Variants in ALDH1A1 observed in about 807,000 individuals in gnomAD.
The protein encoded by ALDH1A1 is aldehyde dehydrogenase 1A1.
Under a neutral mutation model 62.1 loss-of-function variants are expected in ALDH1A1, and 19 were observed. The observed-to-expected ratio is 0.31, with a 90% CI of 0.21 to 0.45. The LOEUF is 0.45. Among genes scored for constraint, ALDH1A1 ranks in the 20% least tolerant of loss-of-function variants. ALDH1A1 has a pLI of 1.00. For missense variants in ALDH1A1, 521 were observed against 607.1 expected (o/e 0.86, Z 1.49); for synonymous variants, 231 against 215.9 (o/e 1.07, Z -0.61).
At chr9:72,903,239 C>A (rs1425654700) in intron 12 of ALDH1A1, among the ~76,000 whole-genome samples, 1 of 151,976 alleles carries the variant, frequency 6.6e-6, no homozygotes, top group African/African-American at 2.4e-5. Context: ...CTTAAAGGAC[C>A]TACGTTAACC....
rs1296897914 is a variant in ALDH1A1, at chr9:72,928,930, C to G, written c.404G>C (p.Gly135Ala). 2.5e-6 allele frequency: 4 copies of G among 1,613,852 alleles called. No homozygotes were observed. The highest frequency in any genetic ancestry group is 1.6e-4 in the Middle Eastern group (1 of 6,082). ...ACGGCCCTGGATCTTGTCAGCCCAA[C>G]CTGCACAGTAGCGCAATGTTTTGAT... ...GCIKTLRYCA[G>A]WADKIQGRTI... The change falls in exon 4 of 13, where the codon GGT becomes GCT. Residue 135 changes from glycine to alanine, a missense_variant. Physicochemically the swap from Gly to Ala is moderately conservative, Grantham distance 60. Transcript: ENST00000297785.
intron 10 of ALDH1A1, 92 bp from the exon 11 acceptor site, chr9:72,909,851 A>C: frequency 9.1e-7 from 1 of 1,099,962 alleles, no homozygotes; most frequent in East Asian, 2.7e-5. Flanking sequence ...ACGCTATCCT[A>C]AATTGATTAA....
chr9:72,924,761 C>G (rs1442613988), intron 6 of ALDH1A1, among the ~76,000 whole-genome samples: 2 of 152,162 alleles, frequency 1.3e-5, no homozygotes, highest in African/African-American at 4.8e-5. Flanking sequence ...TCTCTTTTCC[C>G]TGTTTTTAAT....
At chr9:72,923,671 C>T (rs761670002) in intron 7 of ALDH1A1, among the ~76,000 whole-genome samples, 6 of 152,084 alleles carry the variant, frequency 3.9e-5, no homozygotes, top group Non-Finnish European at 8.8e-5. Context: ...ATTTTCATAA[C>T]CTATAGGATA....
chr9:72,929,062 T>G, intron 3 of ALDH1A1, 41 bp from the exon 4 acceptor site: 1 of 1,435,870 alleles, frequency 7.0e-7, no homozygotes, highest in Non-Finnish European at 9.4e-7. Flanking sequence ...ATTCCATAAG[T>G]TTTAGATTAA....
chr9:72,952,779 C>T (rs183855534), intron 1 of ALDH1A1, among the ~76,000 whole-genome samples, 156 bp downstream of exon 1: 20 of 152,060 alleles, frequency 1.3e-4, no homozygotes, highest in African/African-American at 4.6e-4. Context: ...CATATTTGAT[C>T]AGGACACTAA....
intron 2 of ALDH1A1, among the ~76,000 whole-genome samples, chr9:72,935,000 T>G (rs1327318603): frequency 6.6e-6 from 1 of 152,194 alleles, no homozygotes; most frequent in African/African-American, 2.4e-5. Flanking sequence ...CAATGGGCAA[T>G]AAATAAATTT....
intron 2 of ALDH1A1, among the ~76,000 whole-genome samples, chr9:72,934,699 G>A (rs1273027131): frequency 6.6e-6 from 1 of 152,140 alleles, no homozygotes; most frequent in Non-Finnish European, 1.5e-5. Flanking sequence ...CCAGCTTGAT[G>A]ATGGCTACTA....
At chr9:72,933,660 C>T (rs976491992) in intron 2 of ALDH1A1, among the ~76,000 whole-genome samples, 5 of 149,914 alleles carry the variant, frequency 3.3e-5, no homozygotes, top group African/African-American at 1.2e-4. Flanking sequence ...TGTTACCTCA[C>T]AGGGTTGTAA....
intron 2 of ALDH1A1, 100 bp downstream of exon 2, chr9:72,940,048 C>T: frequency 3.9e-6 from 3 of 763,784 alleles, no homozygotes; most frequent in South Asian, 1.8e-5. Flanking sequence ...ACCATATTTT[C>T]ATGGCATGTC....
intron 7 of ALDH1A1, 126 bp from the exon 8 acceptor site, chr9:72,918,948 C>T (rs1482275077): frequency 1.6e-5 from 9 of 563,800 alleles, no homozygotes; most frequent in African/African-American, 7.8e-5. Flanking sequence ...CACCAAATGG[C>T]TTTTTTTTTT....
intron 1 of ALDH1A1, among the ~76,000 whole-genome samples, chr9:72,950,860 CA>C (rs202189641): frequency 2.4e-4 from 4 of 16,500 alleles, no homozygotes; most frequent in Admixed American, 1.0e-3. Context: ...TAATAACCAT[CA>C]TTTTTTTTTT....
rs1829920975 is a variant in ALDH1A1 at position 72,908,555 on chromosome 9, GAAAGA to G, written c.1358+1042_1358+1046del. On this transcript the variant is annotated intron_variant, in intron 11 of 12. Coordinates refer to ENST00000297785, the MANE Select transcript of ALDH1A1 (RefSeq NM_000689.5). ...AGAAAGAAAGAAAGAAAAGAAAGAAGAAAGAAAGAAAGAAAGAAAGAAAGAAAGAA... is the reference window on the plus strand; with the variant it reads ...AGAAAGAAAGAAAGAAAAGAAAGAAGAAGAAAGAAAGAAAGAAAGAAAGAA... 5.8e-3 allele frequency among the ~76,000 whole-genome samples: 19 copies of G among 3,262 alleles called. 2 individuals are homozygous for G. The highest frequency in any genetic ancestry group is 0.012 in the African/African-American group (17 of 1,426). The allele number at this position is 3,262 out of a possible 152,430, so 2.1% of individuals were successfully genotyped here.
chr9:72,918,905 T>C (rs780674419), intron 7 of ALDH1A1, 83 bp from the exon 8 acceptor site: 181 of 947,478 alleles, frequency 1.9e-4, no homozygotes, highest in Non-Finnish European at 2.7e-4. Context: ...TTATGTGATG[T>C]TTGTGCCACA....
intron 1 of ALDH1A1, among the ~76,000 whole-genome samples, chr9:72,952,278 C>A (rs1830552888): frequency 6.6e-6 from 1 of 151,924 alleles, no homozygotes; most frequent in Non-Finnish European, 1.5e-5. Context: ...TAGTTCCCCC[C>A]AGCTGCGGAT....
intron 5 of ALDH1A1, among the ~76,000 whole-genome samples, chr9:72,926,244 C>T (rs899461140): frequency 6.6e-6 from 1 of 152,188 alleles, no homozygotes; most frequent in Non-Finnish European, 1.5e-5. Context: ...AACACAATGA[C>T]TGGTCTAGCA....
intron 11 of ALDH1A1, among the ~76,000 whole-genome samples, chr9:72,907,344 A>G (rs1441226647): frequency 1.3e-5 from 2 of 152,188 alleles, no homozygotes; most frequent in South Asian, 4.1e-4. Flanking sequence ...AGCAGCTATT[A>G]GGTCTGGGAC....
chr9:72,908,702 T>C (rs1435252828), intron 11 of ALDH1A1, among the ~76,000 whole-genome samples: 1 of 151,984 alleles, frequency 6.6e-6, no homozygotes, highest in Non-Finnish European at 1.5e-5. Flanking sequence ...TTTCCAGGAC[T>C]GAGGGGCCAA....
chr9:72,913,556 A>G (rs955689275), intron 9 of ALDH1A1, among the ~76,000 whole-genome samples: 1 of 152,128 alleles, frequency 6.6e-6, no homozygotes, highest in Non-Finnish European at 1.5e-5. Flanking sequence ...CCTCAACATC[A>G]TGATATCTGG....
Sources: gnomAD v4.1 joint callset for allele counts (sites outside exome capture counted in the v4.1 genomes callset) on GRCh38, gnomAD v4.1.1 for gene constraint, MANE v1.5 for transcripts, NCBI Gene and HGNC (gene_info 2026-07-23, HGNC 2026-07-21) for gene names.